The following FABP12 variants were observed in gnomAD, a reference collection of about 807,000 sequenced individuals.
FABP12 encodes the protein fatty acid-binding protein 12.
Under a neutral mutation model 13.7 loss-of-function variants are expected in FABP12, and 19 were observed. That is an observed-to-expected ratio of 1.39 (90% CI 0.97 to 2.04). The LOEUF is 2.04. Ranked by LOEUF, FABP12 falls within the 30% of genes most tolerant of loss-of-function variation. FABP12 has a pLI of 0.00. For synonymous variants in FABP12, 61 were observed against 57.0 expected (o/e 1.07, Z -0.32); for missense variants, 182 against 164.2 (o/e 1.11, Z -0.59).
chr8:81,529,997 A>G (rs555994787), intron 2 of FABP12, among the ~76,000 whole-genome samples: 1 of 152,298 alleles, frequency 6.6e-6, no homozygotes, highest in South Asian at 2.1e-4. Context: ...CAAACAAAAT[A>G]CTTTGGTATG....
intron 1 of FABP12, among the ~76,000 whole-genome samples, chr8:81,546,145 T>C (rs936145425): frequency 9.9e-5 from 15 of 152,220 alleles, no homozygotes; most frequent in African/African-American, 3.4e-4. Context: ...CAATGGTTCT[T>C]AGAAGTAGCC....
At chr8:81,553,854 G>A (rs1809564710) in intron 1 of FABP12, among the ~76,000 whole-genome samples, 1 of 152,174 alleles carries the variant, frequency 6.6e-6, no homozygotes, top group African/African-American at 2.4e-5. Context: ...TGATGTTCTG[G>A]ATGCTACAGG....
chr8:81,584,996 T>C (rs951203046), intron 1 of FABP12, among the ~76,000 whole-genome samples: 1 of 152,174 alleles, frequency 6.6e-6, no homozygotes, highest in African/African-American at 2.4e-5. Context: ...CCTTGTCAGA[T>C]GGATAGTTAG....
At chr8:81,571,711 T>G (rs1284400323) in intron 1 of FABP12, among the ~76,000 whole-genome samples, 1 of 152,226 alleles carries the variant, frequency 6.6e-6, no homozygotes, top group Non-Finnish European at 1.5e-5. Context: ...GTGCTCCAGT[T>G]GTCAAACTTC....
rs150853075 is a variant in FABP12 at position 81,544,902 on chromosome 8, T to C, written c.-184-5159A>G. 1.1e-3 allele frequency among the ~76,000 whole-genome samples: 166 copies of C among 152,060 alleles called. 2 individuals are homozygous for C. Among genetic ancestry groups the C allele is most frequent in the African/African-American group, 3.9e-3 (160 of 41,462 alleles). On this transcript the variant is annotated intron_variant, in intron 1 of 5. Transcript: ENST00000692030. ...AATTTTCTTCAGGATCAAAGAAGAG[T>C]TTACTGAGTGGAAACTCTGATTTTA...
chr8:81,577,223 C>T (rs978223231), intron 1 of FABP12, among the ~76,000 whole-genome samples: 3 of 152,136 alleles, frequency 2.0e-5, no homozygotes, highest in African/African-American at 7.2e-5. Context: ...GCACACAGCA[C>T]ACCAAGAATT....
At chr8:81,569,676 TC>T (rs1283429704) in intron 1 of FABP12, among the ~76,000 whole-genome samples, 2 of 152,164 alleles carry the variant, frequency 1.3e-5, no homozygotes, top group Non-Finnish European at 2.9e-5. Flanking sequence ...GACAGCCCCC[TC>T]AGAGGGCCCA....
upstream of FABP12, among the ~76,000 whole-genome samples, chr8:81,536,319 G>A (rs1468103472): frequency 1.3e-5 from 2 of 152,130 alleles, no homozygotes; most frequent in African/African-American, 2.4e-5. Flanking sequence ...CTATAGAAAA[G>A]TATTGTGACT....
intron 4 of FABP12, chr8:81,525,759 T>C (rs1034412861): frequency 6.6e-6 from 1 of 152,210 alleles, no homozygotes; most frequent in Non-Finnish European, 1.5e-5. Context: ...ATGCCAACAT[T>C]GATGCATTTT....
At chr8:81,564,274 C>T (rs1386891837) in intron 1 of FABP12, among the ~76,000 whole-genome samples, 1 of 152,040 alleles carries the variant, frequency 6.6e-6, no homozygotes, top group Non-Finnish European at 1.5e-5. Flanking sequence ...ATAAGAAATG[C>T]TGAAGGGAGT....
At chr8:81,560,217 C>T (rs1809699817) in intron 1 of FABP12, among the ~76,000 whole-genome samples, 1 of 152,112 alleles carries the variant, frequency 6.6e-6, no homozygotes, top group South Asian at 2.1e-4. Context: ...AATAACCAGA[C>T]ATAATTGGCC....
chr8:81,575,082 G>A (rs1810012512), intron 1 of FABP12, among the ~76,000 whole-genome samples: 1 of 151,876 alleles, frequency 6.6e-6, no homozygotes, highest in African/African-American at 2.4e-5. Context: ...TTTTGATGTA[G>A]GTATGTAGGG....
intron 1 of FABP12, among the ~76,000 whole-genome samples, chr8:81,544,303 G>A (rs972099853): frequency 6.6e-6 from 1 of 152,204 alleles, no homozygotes; most frequent in Non-Finnish European, 1.5e-5. Flanking sequence ...AAAACGAGAT[G>A]TTGGCAGGGA....
At chr8:81,568,375 A>C (rs1809866730) in intron 1 of FABP12, among the ~76,000 whole-genome samples, 1 of 152,252 alleles carries the variant, frequency 6.6e-6, no homozygotes, top group Non-Finnish European at 1.5e-5. Context: ...CATATAAAAA[A>C]GGTGCTCAAC....
Position 81,525,129 on chromosome 8 carries a change from C to G in FABP12, c.349-9G>C, listed in dbSNP as rs954752867. On this transcript the variant is annotated splice_polypyrimidine_tract_variant and intron_variant, in intron 4 of 4. Transcript: ENST00000360464. Reference sequence around the variant, plus strand: ...CTGTTCACAGTACTTTCCTACAAGACAAAAGAAATATGAGGTATTTCAGTA... The same window carrying G: ...CTGTTCACAGTACTTTCCTACAAGAGAAAAGAAATATGAGGTATTTCAGTA... 4 of 1,546,388 alleles carry G rather than the reference C, an allele frequency of 2.6e-6. No individual in the cohort carries two copies. The highest frequency in any genetic ancestry group is 8.8e-7 in the Non-Finnish European group (1 of 1,132,014).
intron 4 of FABP12, 37 bp downstream of exon 4, chr8:81,526,983 C>A (rs1241728678): frequency 8.4e-7 from 1 of 1,189,432 alleles, no homozygotes; most frequent in South Asian, 1.4e-5. Context: ...TTAGTCGTTG[C>A]AGAAGGTGGG....
intron 1 of FABP12, among the ~76,000 whole-genome samples, chr8:81,532,091 C>T (rs1390611416): frequency 7.2e-5 from 11 of 152,158 alleles, no homozygotes; most frequent in Admixed American, 7.2e-4. Context: ...CTTTCTGTTC[C>T]TTTCAACCCT....
intron 1 of FABP12, among the ~76,000 whole-genome samples, chr8:81,541,910 TA>T (rs1167487132): frequency 0.069 from 4,869 of 71,018 alleles, 91 homozygotes; most frequent in Middle Eastern, 0.083. Flanking sequence ...TCCCAGGGTT[TA>T]AAAAAAAAAA....
chr8:81,556,455 C>A (rs1226468692), intron 1 of FABP12, among the ~76,000 whole-genome samples: 4 of 152,078 alleles, frequency 2.6e-5, no homozygotes, highest in Non-Finnish European at 5.9e-5. Context: ...GGGCCAGAAT[C>A]CAGAACTCAT....
Sources: gnomAD v4.1 joint callset for allele counts (sites outside exome capture counted in the v4.1 genomes callset) on GRCh38, gnomAD v4.1.1 for gene constraint, MANE v1.5 for transcripts, NCBI Gene and HGNC (gene_info 2026-07-23, HGNC 2026-07-21) for gene names.